Variants in TSHR observed in about 807,000 individuals in gnomAD.
The protein encoded by TSHR is thyroid stimulating hormone receptor.
TSHR carries 51 observed loss-of-function variants against 64.1 expected under a neutral mutation model. The ratio of observed to expected loss-of-function variants is 0.80; its 90% CI spans 0.64 to 1.01. The LOEUF (loss-of-function observed/expected upper bound fraction) is 1.01. Among genes scored for constraint, TSHR ranks in the 50% least tolerant of loss-of-function variants. The pLI, the probability that TSHR is intolerant of heterozygous loss-of-function variation, is 0.00. For missense variants in TSHR, 877 were observed against 942.8 expected (o/e 0.93, Z 0.91); for synonymous variants, 361 against 361.9 (o/e 1.00, Z 0.03).
intron 1 of TSHR, among the ~76,000 whole-genome samples, chr14:81,047,464 C>T (rs111906129): frequency 5.9e-5 from 9 of 152,214 alleles, no homozygotes; most frequent in African/African-American, 2.2e-4. Context: ...TGCCTTAAGA[C>T]AATTAGGTGT....
At chr14:81,087,765 TC>T (rs1271735679) in intron 3 of TSHR, 188 bp from the exon 4 acceptor site, 4 of 655,376 alleles carry the variant, frequency 6.1e-6, no homozygotes, top group Non-Finnish European at 1.1e-5. Context: ...AGCCATTGGG[TC>T]CCCGTGAGGA....
chr14:81,119,793 G>T (rs367660184), intron 8 of TSHR, among the ~76,000 whole-genome samples: 4 of 94,984 alleles, frequency 4.2e-5, no homozygotes, highest in Non-Finnish European at 7.9e-5. Flanking sequence ...TGTCCAGCAA[G>T]GATAGACTGG....
At chr14:80,996,741 T>C (rs1279678404) in intron 1 of TSHR, among the ~76,000 whole-genome samples, 2 of 152,148 alleles carry the variant, frequency 1.3e-5, no homozygotes, top group Non-Finnish European at 2.9e-5. Flanking sequence ...TAGTTCCTCC[T>C]TAAATTTTAA....
intron 3 of TSHR, among the ~76,000 whole-genome samples, chr14:81,072,117 A>G (rs2139921617): frequency 6.6e-6 from 1 of 152,324 alleles, no homozygotes; most frequent in African/African-American, 2.4e-5. Flanking sequence ...TTACATAGTG[A>G]TTTGTGGACT....
chr14:81,106,333 T>C (rs1445838667), intron 7 of TSHR, among the ~76,000 whole-genome samples: 1 of 152,220 alleles, frequency 6.6e-6, no homozygotes, highest in Non-Finnish European at 1.5e-5. Flanking sequence ...TCACTCTTTA[T>C]GATTTTTTCT....
chr14:81,012,684 G>A (rs1046024619), intron 1 of TSHR: 4 of 152,000 alleles, frequency 2.6e-5, no homozygotes, highest in African/African-American at 7.3e-5. Flanking sequence ...CATTTCTCTG[G>A]TGGCCAGTGA....
chr14:81,011,925 T>G (rs1392315466), intron 1 of TSHR, among the ~76,000 whole-genome samples: 2 of 152,234 alleles, frequency 1.3e-5, no homozygotes, highest in African/African-American at 4.8e-5. Flanking sequence ...AAAATCTTTT[T>G]TATTTATTTA....
At chr14:80,981,242 A>G in intron 1 of TSHR, among the ~76,000 whole-genome samples, 1 of 152,316 alleles carries the variant, frequency 6.6e-6, no homozygotes, top group Middle Eastern at 3.4e-3. Context: ...TCAGCTTGGG[A>G]GGTGTCTCAG....
chr14:81,100,985 G>A (rs1889543079), intron 7 of TSHR, among the ~76,000 whole-genome samples: 1 of 152,196 alleles, frequency 6.6e-6, no homozygotes, highest in African/African-American at 2.4e-5. Flanking sequence ...AGAAGGTGGA[G>A]CTGAAAGTCC....
intron 1 of TSHR, among the ~76,000 whole-genome samples, chr14:81,036,697 A>G (rs1170067536): frequency 6.6e-6 from 1 of 152,226 alleles, no homozygotes; most frequent in Admixed American, 6.5e-5. Flanking sequence ...CAAATTTAGA[A>G]TACTCCATTA....
chr14:80,988,240 A>G (rs1270020979), intron 1 of TSHR, among the ~76,000 whole-genome samples: 2 of 152,240 alleles, frequency 1.3e-5, no homozygotes, highest in Non-Finnish European at 2.9e-5. Flanking sequence ...GGTAATTGAT[A>G]AAGAAAAGAG....
At chr14:81,060,281 T>A (rs1024479273) in intron 1 of TSHR, among the ~76,000 whole-genome samples, 1 of 152,136 alleles carries the variant, frequency 6.6e-6, no homozygotes, top group South Asian at 2.1e-4. Flanking sequence ...GTGTGTATCT[T>A]TTGTTTTCCT....
chr14:80,967,308 C>T (rs1168734070), intron 1 of TSHR, among the ~76,000 whole-genome samples: 11 of 119,490 alleles, frequency 9.2e-5, no homozygotes, highest in Non-Finnish European at 9.9e-5. Context: ...TTTTTTGAGA[C>T]AGAGTCTCAC....
At chr14:81,104,492 C>G (rs1889769716) in intron 7 of TSHR, 1 of 985,320 alleles carries the variant, frequency 1.0e-6, no homozygotes, top group Non-Finnish European at 1.2e-6. Flanking sequence ...ACACTCCTCT[C>G]TCTGGCATAG....
intron 4 of TSHR, 139 bp from the exon 5 acceptor site, chr14:81,090,930 T>G: frequency 2.8e-6 from 2 of 714,910 alleles, no homozygotes; most frequent in Non-Finnish European, 4.9e-6. Flanking sequence ...TACTCAGATA[T>G]TTAGGGAAGG....
chr14:81,064,691 T>C (rs547350688), intron 2 of TSHR, among the ~76,000 whole-genome samples: 4 of 151,838 alleles, frequency 2.6e-5, no homozygotes, highest in Admixed American at 2.6e-4. Flanking sequence ...GGAAAAAAAG[T>C]AAATTAGAGT....
chr14:81,073,557 A>G (rs1887274056), intron 3 of TSHR, among the ~76,000 whole-genome samples: 1 of 152,178 alleles, frequency 6.6e-6, no homozygotes, highest in South Asian at 2.1e-4. Flanking sequence ...ACTTCTAAAT[A>G]ACTCTGATTT....
intron 1 of TSHR, among the ~76,000 whole-genome samples, chr14:80,985,243 C>A (rs1437245204): frequency 6.6e-6 from 1 of 152,220 alleles, no homozygotes; most frequent in African/African-American, 2.4e-5. Flanking sequence ...GAGCGAGACT[C>A]CGTCTCAAAA....
chr14:81,099,283 C>T (rs940675697), intron 7 of TSHR: 3 of 144,840 alleles, frequency 2.1e-5, no homozygotes, highest in Admixed American at 6.8e-5. Flanking sequence ...TTTTTTTTAA[C>T]GTGGCTGTTT....
Sources: allele counts gnomAD v4.1 joint callset (sites outside exome capture counted in the v4.1 genomes callset), GRCh38; gene constraint gnomAD v4.1.1; transcripts MANE v1.5; gene names NCBI Gene and HGNC (gene_info 2026-07-23, HGNC 2026-07-21).